DLG2: variants seen among roughly 807,000 people sequenced by gnomAD.
DLG2 encodes discs large MAGUK scaffold protein 2.
DLG2 carries 45 observed loss-of-function variants against 132.5 expected under a neutral mutation model. The observed-to-expected ratio is 0.34, with a 90% CI of 0.27 to 0.44. The LOEUF (loss-of-function observed/expected upper bound fraction) is 0.44. DLG2 is among the 20% of genes least tolerant of loss of function. The pLI, the probability that DLG2 is intolerant of heterozygous loss-of-function variation, is 1.00. For synonymous variants in DLG2, 424 were observed against 419.6 expected (o/e 1.01, Z -0.13); for missense variants, 1,045 against 1,196.9 (o/e 0.87, Z 1.87).
intron 7 of DLG2, among the ~76,000 whole-genome samples, chr11:84,292,947 A>ATTT (rs1351032344): frequency 1.3e-5 from 2 of 152,176 alleles, no homozygotes; most frequent in Admixed American, 6.5e-5. Context: ...ATCTCATAAT[A>ATTT]TTTTAAGAAA....
intron 5 of DLG2, among the ~76,000 whole-genome samples, chr11:85,148,217 T>G (rs1222262378): frequency 6.6e-6 from 1 of 152,230 alleles, no homozygotes; most frequent in Non-Finnish European, 1.5e-5. Context: ...TAAACATACA[T>G]GTGCATGTAT....
rs149496497 is a variant in DLG2 at position 84,356,220 on chromosome 11, T to C, written c.520-104929A>G. Among the ~76,000 whole-genome samples, 90 of 152,256 alleles carry C rather than the reference T, an allele frequency of 5.9e-4. 2 individuals carry two copies. In the South Asian group the frequency reaches 0.012, roughly 20 times the overall value. On this transcript the variant is annotated intron_variant, in intron 7 of 27. Coordinates refer to ENST00000376104, the MANE Select transcript of DLG2 (RefSeq NM_001142699.3). ...AGCAGGAAATTGTAATTACCACAAA[T>C]GTACATAATAAAGACCAGCTTTTTC... is the stretch of plus-strand genomic sequence containing the variant.
At chr11:83,732,539 A>T (rs1410490118) in intron 18 of DLG2, among the ~76,000 whole-genome samples, 2 of 152,236 alleles carry the variant, frequency 1.3e-5, no homozygotes, top group South Asian at 2.1e-4. Context: ...AATGATGGGG[A>T]TCACAACTTC....
At chr11:85,140,300 C>T (rs2076383801) in intron 5 of DLG2, among the ~76,000 whole-genome samples, 2 of 151,950 alleles carry the variant, frequency 1.3e-5, no homozygotes, top group Admixed American at 1.3e-4. Context: ...GTTCCCATTT[C>T]TCCACATCAT....
intron 6 of DLG2, among the ~76,000 whole-genome samples, chr11:84,649,992 A>G (rs2099679626): frequency 6.6e-6 from 1 of 152,142 alleles, no homozygotes; most frequent in Non-Finnish European, 1.5e-5. Context: ...TGAGTCCATA[A>G]TATAATCTCT....
At chr11:84,843,290 TAA>T (rs71036446) in intron 6 of DLG2, among the ~76,000 whole-genome samples, 15 of 144,858 alleles carry the variant, frequency 1.0e-4, no homozygotes, top group African/African-American at 2.0e-4. Flanking sequence ...ATAGTACTGT[TAA>T]AAAAAAAAAA....
chr11:85,310,910 A>T (rs1203326656), intron 3 of DLG2, among the ~76,000 whole-genome samples: 2 of 152,158 alleles, frequency 1.3e-5, no homozygotes, highest in Non-Finnish European at 2.9e-5. Flanking sequence ...TTTTAGCCTT[A>T]ACTTTTTAAT....
At chr11:85,554,660 A>G (rs1042435078) in intron 3 of DLG2, among the ~76,000 whole-genome samples, 6 of 151,890 alleles carry the variant, frequency 4.0e-5, no homozygotes, top group African/African-American at 1.2e-4. Flanking sequence ...ATGAAAGCCC[A>G]AGAGATTAGG....
intron 6 of DLG2, among the ~76,000 whole-genome samples, chr11:85,067,143 T>C (rs904206549): frequency 1.3e-5 from 2 of 151,918 alleles, no homozygotes; most frequent in African/African-American, 2.4e-5. Context: ...GAGGTGTTTA[T>C]AGTATTCTCT....
At chr11:84,278,263 T>A (rs1281459228) in intron 7 of DLG2, among the ~76,000 whole-genome samples, 1 of 152,020 alleles carries the variant, frequency 6.6e-6, no homozygotes. Context: ...CCTTGAAAGA[T>A]GCAAACTAAT....
intron 16 of DLG2, among the ~76,000 whole-genome samples, chr11:83,851,406 C>T (rs1595441480): frequency 6.6e-6 from 1 of 151,596 alleles, no homozygotes; most frequent in Non-Finnish European, 1.5e-5. Context: ...AGGTGAATCA[C>T]CTGAGGTCGG....
At chr11:85,350,884 C>A (rs2083238912) in intron 3 of DLG2, among the ~76,000 whole-genome samples, 1 of 152,160 alleles carries the variant, frequency 6.6e-6, no homozygotes, top group South Asian at 2.1e-4. Context: ...ATTGTCTTGG[C>A]AATGCAGGCT....
rs56081109 is a variant in DLG2 at position 83,789,087 on chromosome 11, A to C, written c.1723-2295T>G. Reference sequence around the variant, plus strand: ...AGAAAAGCTCAACTTCTCACAACCAATAAAATTAGCACAACCTAAGAAATA... The same window carrying C: ...AGAAAAGCTCAACTTCTCACAACCACTAAAATTAGCACAACCTAAGAAATA... On this transcript the variant is annotated intron_variant, in intron 17 of 27. Coordinates refer to ENST00000376104, the MANE Select transcript of DLG2 (RefSeq NM_001142699.3). Among the ~76,000 whole-genome samples the C allele has an allele frequency of 6.0e-3, 918 of 152,334 alleles. 9 individuals carry two copies. The highest frequency in any genetic ancestry group is 0.021 in the African/African-American group (860 of 41,582).
At chr11:85,610,098 G>GAA (rs2080885054) in intron 2 of DLG2, among the ~76,000 whole-genome samples, 1 of 152,098 alleles carries the variant, frequency 6.6e-6, no homozygotes, top group Non-Finnish European at 1.5e-5. Flanking sequence ...AATTTGGAAG[G>GAA]AAAAAAATGC....
chr11:84,300,308 C>G (rs148236128), intron 7 of DLG2, among the ~76,000 whole-genome samples: 72 of 152,202 alleles, frequency 4.7e-4, no homozygotes, highest in Middle Eastern at 3.4e-3. Flanking sequence ...GTTGCATGAA[C>G]TATTTTTTCA....
At chr11:84,545,684 C>T (rs2099388200) in intron 6 of DLG2, 1 of 282,246 alleles carries the variant, frequency 3.5e-6, no homozygotes, top group Non-Finnish European at 6.9e-6. Flanking sequence ...GCCACTGCCT[C>T]GGTCATTCAT....
rs184398428 is a variant in DLG2 at position 85,013,631 on chromosome 11, A to G, written c.357+98030T>C. Among the ~76,000 whole-genome samples the G allele has an allele frequency of 4.4e-4, 67 of 152,326 alleles. No individual in the cohort carries two copies. The Middle Eastern group carries it at 0.027, about 62-fold the overall frequency. On this transcript the variant is annotated intron_variant, in intron 6 of 27. Transcript: ENST00000376104. ...TAATAAATAACAGGCACAAGTAAATATCTAGCTCATGAAATCAAAATCTTC... is the reference window on the plus strand; with the variant it reads ...TAATAAATAACAGGCACAAGTAAATGTCTAGCTCATGAAATCAAAATCTTC...
At chr11:85,057,331 G>A (rs1202042015) in intron 6 of DLG2, among the ~76,000 whole-genome samples, 1 of 151,666 alleles carries the variant, frequency 6.6e-6, no homozygotes, top group African/African-American at 2.4e-5. Context: ...AATGGGACAA[G>A]TTACTAATAT....
chr11:85,082,493 A>T (rs1203525983), intron 6 of DLG2, among the ~76,000 whole-genome samples: 1 of 152,082 alleles, frequency 6.6e-6, no homozygotes, highest in Non-Finnish European at 1.5e-5. Flanking sequence ...GAATCTCCCC[A>T]TGACTGTTTA....
Sources: allele counts gnomAD v4.1 joint callset (sites outside exome capture counted in the v4.1 genomes callset), GRCh38; gene constraint gnomAD v4.1.1; transcripts MANE v1.5; gene names NCBI Gene and HGNC (gene_info 2026-07-23, HGNC 2026-07-21).